Variants in TLN2 observed in about 807,000 individuals in gnomAD.
The protein encoded by TLN2 is talin 2, also known as talin-2.
In TLN2, 118 loss-of-function variants were observed where a neutral mutation model predicts 294.7. The ratio of observed to expected loss-of-function variants is 0.40; its 90% CI spans 0.34 to 0.47. The LOEUF (loss-of-function observed/expected upper bound fraction) is 0.47, where lower values mean the gene tolerates loss of function less well. TLN2 is among the 20% of genes least tolerant of loss of function. The pLI is 0.84. For missense variants in TLN2, 3,083 were observed against 3,282.2 expected (o/e 0.94, Z 1.48); for synonymous variants, 1,431 against 1,304.5 (o/e 1.10, Z -2.09).
intron 45 of TLN2, among the ~76,000 whole-genome samples, chr15:62,787,836 C>T (rs1490617302): frequency 6.7e-6 from 1 of 150,208 alleles, no homozygotes; most frequent in Non-Finnish European, 1.5e-5. Context: ...AGATTACAGG[C>T]ACCCACCATC....
chr15:62,445,886 ACTC>A (rs1226657784), intron 1 of TLN2, among the ~76,000 whole-genome samples: 2 of 150,756 alleles, frequency 1.3e-5, no homozygotes, highest in African/African-American at 4.9e-5. Flanking sequence ...CTGATCTTGA[ACTC>A]CTGGGCTCAA....
chr15:62,544,293 C>A (rs893196795), intron 1 of TLN2, among the ~76,000 whole-genome samples: 8 of 152,268 alleles, frequency 5.3e-5, no homozygotes, highest in Non-Finnish European at 1.0e-4. Context: ...CCCTAGTCTC[C>A]CCCAGCCTCC....
intron 22 of TLN2, among the ~76,000 whole-genome samples, chr15:62,714,419 G>C (rs1385730563): frequency 1.3e-5 from 2 of 151,840 alleles, no homozygotes; most frequent in Admixed American, 6.6e-5. Flanking sequence ...AGCCAGGATG[G>C]TCTCGATCTC....
In TLN2 at chr15:62,717,601, C is replaced by G. The variant is rs1358839411; in HGVS notation, c.2789C>G (p.Ala930Gly). 1 of 1,593,972 alleles carries G rather than the reference C, an allele frequency of 6.3e-7. No individual in the cohort carries two copies. The highest frequency in any genetic ancestry group is 2.3e-5 in the East Asian group (1 of 44,174). Residue 930 changes from alanine (A) to glycine (G), a missense_variant, in exon 24 of 59, where the codon GCA becomes GGA. Physicochemically the swap from Ala to Gly is moderately conservative, Grantham distance 60 (BLOSUM62 0). Transcript: ENST00000636159. ...LEVAAKQAAAAATQTIAASQN... is the reference protein window; with the variant it reads ...LEVAAKQAAAGATQTIAASQN... ...GTTGCAGCCAAGCAGGCCGCAGCGG[C>G]AGCCACACAGACCATCGCCGCCTCC...
chr15:62,673,259 T>C (rs1033058497), intron 9 of TLN2, among the ~76,000 whole-genome samples: 14 of 150,074 alleles, frequency 9.3e-5, no homozygotes, highest in African/African-American at 3.2e-4. Flanking sequence ...CCTGTAGTTA[T>C]GCTGTCAGCT....
In TLN2 at chr15:62,647,457, G is replaced by A; in HGVS notation, c.136+11G>A. The A allele has an allele frequency of 1.2e-6, 2 of 1,612,320 alleles. No homozygotes were observed. The highest frequency in any genetic ancestry group is 1.7e-6 in the Non-Finnish European group (2 of 1,179,658). Reference sequence around the variant, plus strand: ...CACAAACTGGGCAAGGTAGGTCATGGGTTATTTACTGGCTTCTTAAAACGT... The same window carrying A: ...CACAAACTGGGCAAGGTAGGTCATGAGTTATTTACTGGCTTCTTAAAACGT... On this transcript the variant is annotated intron_variant, in intron 4 of 58. Coordinates refer to ENST00000636159, the MANE Select transcript of TLN2 (RefSeq NM_015059.3).
intron 32 of TLN2, among the ~76,000 whole-genome samples, chr15:62,748,041 C>G (rs1167892143): frequency 6.6e-6 from 1 of 151,738 alleles, no homozygotes; most frequent in South Asian, 2.1e-4. Context: ...ACTGGTGTAA[C>G]TTTTACTGAA....
chr15:62,715,625 G>T (rs2059716273), intron 22 of TLN2, among the ~76,000 whole-genome samples: 1 of 152,164 alleles, frequency 6.6e-6, no homozygotes, highest in South Asian at 2.1e-4. Flanking sequence ...AGTAAAAGGG[G>T]CTGTGGGGCT....
In TLN2 at chr15:62,434,322, G is replaced by T. The variant is rs138614792; in HGVS notation, c.-238+43637G>T. Among the ~76,000 whole-genome samples the T allele has an allele frequency of 6.0e-4, 92 of 152,204 alleles. 2 individuals carry two copies. In the East Asian group the frequency reaches 0.011, roughly 19 times the overall value. ...ATCTTACTTAAAAAAAGTTAACATT[G>T]TAAGTTATATCCTATTAGATTATAT... On this transcript the variant is annotated intron_variant, in intron 1 of 58. Transcript: ENST00000636159.
chr15:62,507,639 G>C (rs576470114), intron 1 of TLN2, among the ~76,000 whole-genome samples: 22 of 152,348 alleles, frequency 1.4e-4, no homozygotes, highest in African/African-American at 5.1e-4. Context: ...GCTTGAGTTA[G>C]TGCAGTGAGT....
At chr15:62,750,942 A>ATT (rs1414712230) in intron 34 of TLN2, among the ~76,000 whole-genome samples, 1 of 152,124 alleles carries the variant, frequency 6.6e-6, no homozygotes, top group Non-Finnish European at 1.5e-5. Context: ...TTTGCAGTCT[A>ATT]TTCATGGCAT....
intron 1 of TLN2, among the ~76,000 whole-genome samples, chr15:62,470,007 C>T (rs1047448163): frequency 1.4e-4 from 21 of 152,066 alleles, no homozygotes; most frequent in Admixed American, 3.9e-4. Flanking sequence ...CAGCATTCTT[C>T]GTGATTGACT....
chr15:62,693,134 A>G (rs1462594655), intron 13 of TLN2, among the ~76,000 whole-genome samples, 193 bp downstream of exon 13: 1 of 152,180 alleles, frequency 6.6e-6, no homozygotes, highest in Non-Finnish European at 1.5e-5. Context: ...ATTAGAGACC[A>G]GTCTGGCCAA....
chr15:62,646,895 G>T (rs572080699), intron 3 of TLN2, among the ~76,000 whole-genome samples: 1 of 152,136 alleles, frequency 6.6e-6, no homozygotes, highest in African/African-American at 2.4e-5. Context: ...CCAGTCATAG[G>T]TGCCCAAGGC....
intron 12 of TLN2, among the ~76,000 whole-genome samples, chr15:62,688,483 C>T (rs1055230176): frequency 6.6e-6 from 1 of 152,110 alleles, no homozygotes; most frequent in African/African-American, 2.4e-5. Context: ...CTGCTATTAT[C>T]ATGTAAAGTG....
At chr15:62,505,834 G>A (rs2039587219) in intron 1 of TLN2, among the ~76,000 whole-genome samples, 1 of 152,150 alleles carries the variant, frequency 6.6e-6, no homozygotes, top group African/African-American at 2.4e-5. Flanking sequence ...ATGATGGGGG[G>A]CGGACGGGGA....
intron 54 of TLN2, chr15:62,830,996 T>C (rs2068780524): frequency 6.6e-6 from 1 of 150,420 alleles, no homozygotes; most frequent in African/African-American, 2.4e-5. Context: ...TCTGTGGGTG[T>C]CAAAAATATT....
At chr15:62,714,327 T>C (rs1002960268) in intron 22 of TLN2, among the ~76,000 whole-genome samples, 4 of 150,774 alleles carry the variant, frequency 2.7e-5, no homozygotes, top group Non-Finnish European at 1.5e-5. Flanking sequence ...CTCAGCCTCC[T>C]GAGTAGCTGG....
In TLN2 at chr15:62,427,453, C is replaced by G. The variant is rs546752786; in HGVS notation, c.-238+36768C>G. Among the ~76,000 whole-genome samples the G allele has an allele frequency of 2.6e-5, 4 of 152,200 alleles. No homozygotes were observed. The East Asian group carries it at 7.7e-4, about 29-fold the overall frequency. ...TGCTGAGTGACTTGGAGTGAGCCCC[C>G]CAAGTGGGACTTGAAGGTGGCAGGA... is the stretch of plus-strand genomic sequence containing the variant. On this transcript the variant is annotated intron_variant, in intron 1 of 58. Coordinates refer to ENST00000636159, the MANE Select transcript of TLN2 (RefSeq NM_015059.3).
Sources: allele counts gnomAD v4.1 joint callset (sites outside exome capture counted in the v4.1 genomes callset), GRCh38; gene constraint gnomAD v4.1.1; transcripts MANE v1.5; gene names NCBI Gene and HGNC (gene_info 2026-07-23, HGNC 2026-07-21).